Variants in OTUD5 observed in about 807,000 individuals in gnomAD.
OTUD5 encodes the protein OTU deubiquitinase 5, also known as OTU domain-containing protein 5.
OTUD5 carries 2 observed loss-of-function variants against 36.3 expected under a neutral mutation model. That is an observed-to-expected ratio of 0.06 (90% CI 0.02 to 0.17). OTUD5 has a LOEUF of 0.17. Among genes scored for constraint, OTUD5 ranks in the 10% least tolerant of loss-of-function variants. The pLI is 1.00. For missense variants in OTUD5, 233 were observed against 512.3 expected (o/e 0.45, Z 5.26); for synonymous variants, 234 against 214.9 (o/e 1.09, Z -0.78).
chrX:48,957,728 A>T (rs182033453), upstream of OTUD5: 2 of 670,210 alleles, frequency 3.0e-6, no homozygotes, highest in Non-Finnish European at 3.6e-6. Context: ...GCGGCGGAGG[A>T]GGCGGCGGCG....
intron 5 of OTUD5, 46 bp from the exon 6 acceptor site, chrX:48,926,096 C>A (rs782556569): frequency 1.9e-6 from 2 of 1,066,045 alleles, no homozygotes; most frequent in South Asian, 3.7e-5. Context: ...CACACTGAAC[C>A]TGCCCAAGAG....
At chrX:48,932,419 GGT>G (rs2063769872) in intron 5 of OTUD5, among the ~76,000 whole-genome samples, 1 of 110,241 alleles carries the variant, frequency 9.1e-6, no homozygotes. Flanking sequence ...CTGCCTCCTA[GGT>G]TCAAGTGATT....
In OTUD5 at chrX:48,923,155, T is replaced by G; in HGVS notation, c.*19A>C. 8.3e-7 allele frequency: 1 copy of G among 1,209,974 alleles called. No individual in the cohort carries two copies. The highest frequency in any genetic ancestry group is 1.1e-6 in the Non-Finnish European group (1 of 894,318). ...GGAGTACTGGGGTTGGGAGATGGTGTCCAATCCCTGGGTCTCCATCAACTC... is the reference window on the plus strand; with the variant it reads ...GGAGTACTGGGGTTGGGAGATGGTGGCCAATCCCTGGGTCTCCATCAACTC... On this transcript the variant is annotated 3_prime_UTR_variant, in exon 9 of 9. Coordinates refer to ENST00000376488, the MANE Select transcript of OTUD5 (RefSeq NM_001136157.2).
At position 48,923,028 on chromosome X, in the gene OTUD5, A is replaced by G; in HGVS notation, c.*146T>C. ...ATGAGAGAGAGTGCAGGGGTGGGCT[A>G]GCCAGAGGGAAGTGAGGAGGAGGGA... is the stretch of plus-strand genomic sequence containing the variant. On this transcript the variant is annotated 3_prime_UTR_variant, in exon 9 of 9. Transcript: ENST00000376488. 3 of 1,137,932 alleles carry G rather than the reference A, an allele frequency of 2.6e-6. No individual in the cohort carries two copies. The highest frequency in any genetic ancestry group is 3.5e-6 in the Non-Finnish European group (3 of 859,481). The allele number at this position is 1,137,932 out of a possible 1,213,427, so 93.8% of individuals were successfully genotyped here. A position where few individuals can be genotyped will look rare whatever the true frequency, so the allele number is the denominator to read the frequency against.
intron 2 of OTUD5, among the ~76,000 whole-genome samples, chrX:48,935,938 C>CAA (rs3030315): frequency 2.4e-4 from 9 of 37,082 alleles, no homozygotes; most frequent in African/African-American, 7.8e-4. Context: ...GACTCTGTCT[C>CAA]AAAAAAAAAA....
Position 48,953,379 on chromosome X carries a change from C to T in OTUD5, c.594+3598G>A, listed in dbSNP as rs1557054329. Among the ~76,000 whole-genome samples, 3 of 111,544 alleles carry T rather than the reference C, an allele frequency of 2.7e-5. No individual in the cohort carries two copies. The East Asian group carries it at 8.4e-4, about 31-fold the overall frequency. ...GGAGCCAGGAAGAGAGGGGAGAAAC[C>T]CAGTTCCTCCTCAAAAGACATCCAC... On this transcript the variant is annotated intron_variant, in intron 1 of 8. Coordinates refer to ENST00000376488, the MANE Select transcript of OTUD5 (RefSeq NM_001136157.2).
chrX:48,954,514 A>G (rs2147687857), intron 1 of OTUD5, among the ~76,000 whole-genome samples: 1 of 111,425 alleles, frequency 9.0e-6, no homozygotes, highest in African/African-American at 3.3e-5. Flanking sequence ...CCAACCAGAG[A>G]GAGAAGAAAT....
intron 1 of OTUD5, among the ~76,000 whole-genome samples, chrX:48,944,809 G>A (rs782619580): frequency 8.9e-6 from 1 of 112,212 alleles, no homozygotes; most frequent in Non-Finnish European, 1.9e-5. Flanking sequence ...GATCACCTGA[G>A]GTCGGGAGTT....
chrX:48,937,997 G>A (rs886136121), intron 2 of OTUD5, among the ~76,000 whole-genome samples: 16 of 111,939 alleles, frequency 1.4e-4, no homozygotes, highest in African/African-American at 5.2e-4. Context: ...TCTACCTCTA[G>A]GCCGTTAGTT....
At chrX:48,953,513 C>T (rs1557054357) in intron 1 of OTUD5, among the ~76,000 whole-genome samples, 1 of 111,445 alleles carries the variant, frequency 9.0e-6, no homozygotes, top group Non-Finnish European at 1.9e-5. Flanking sequence ...GAAACTGAGG[C>T]CCAGAGAGCA....
At chrX:48,931,608 G>A (rs373653339) in intron 5 of OTUD5, among the ~76,000 whole-genome samples, 42 of 107,857 alleles carry the variant, frequency 3.9e-4, no homozygotes, top group East Asian at 3.8e-3. Flanking sequence ...GTGAAACCCC[G>A]TCTCTACTAA....
At chrX:48,943,719 G>C (rs782523967) in intron 2 of OTUD5, among the ~76,000 whole-genome samples, 1 of 111,450 alleles carries the variant, frequency 9.0e-6, no homozygotes, top group African/African-American at 3.3e-5. Context: ...ATAAACCTAG[G>C]GGTCATACAG....
chrX:48,932,162 A>ATAC (rs1320223379), intron 5 of OTUD5, among the ~76,000 whole-genome samples: 2 of 12,567 alleles, frequency 1.6e-4, no homozygotes, highest in African/African-American at 3.6e-4. Context: ...AAAAAAGATG[A>ATAC]TAATAATAAT....
chrX:48,945,847 T>C (rs1184793591), intron 1 of OTUD5, among the ~76,000 whole-genome samples: 2 of 110,900 alleles, frequency 1.8e-5, no homozygotes, highest in Admixed American at 1.9e-4. Flanking sequence ...TATTTTTTAA[T>C]TAAAAAAATA....
chrX:48,922,999 G>A lies in OTUD5; in HGVS notation c.*175C>T, dbSNP rs1391151316. 16 of 1,089,655 alleles carry A rather than the reference G, an allele frequency of 1.5e-5. No homozygotes were observed. The highest frequency in any genetic ancestry group is 3.6e-4 in the Middle Eastern group (1 of 2,762). 89.8% of individuals were successfully genotyped at this position (1,089,655 alleles called of 1,213,427 possible). On this transcript the variant is annotated 3_prime_UTR_variant, in exon 9 of 9. Transcript: ENST00000376488. ...CAGAGAGACAGGTGATAGTGGCAGC[G>A]GCAATGAGAGAGAGTGCAGGGGTGG...
intron 2 of OTUD5, 73 bp from the exon 3 acceptor site, chrX:48,935,091 T>C: frequency 1.0e-6 from 1 of 986,521 alleles, no homozygotes; most frequent in Non-Finnish European, 1.4e-6. Context: ...AGAACATCCT[T>C]TGGGGAGGAG....
intron 1 of OTUD5, among the ~76,000 whole-genome samples, chrX:48,949,756 G>A (rs2064100168): frequency 9.0e-6 from 1 of 111,370 alleles, no homozygotes; most frequent in South Asian, 3.8e-4. Flanking sequence ...AGGAGGCTGA[G>A]GCTGGAGGAT....
chrX:48,929,135 T>A (rs1177212190), intron 5 of OTUD5, among the ~76,000 whole-genome samples: 10 of 109,591 alleles, frequency 9.1e-5, no homozygotes, highest in African/African-American at 3.3e-4. Flanking sequence ...TGCCTGTAAT[T>A]CCAGCACTTT....
upstream of OTUD5, chrX:48,957,934 G>C: frequency 1.9e-6 from 1 of 524,813 alleles, no homozygotes; most frequent in Non-Finnish European, 2.3e-6. Flanking sequence ...CCCCCTCGCA[G>C]GTTCTTGCAC....
Sources: allele counts gnomAD v4.1 joint callset (sites outside exome capture counted in the v4.1 genomes callset), GRCh38; gene constraint gnomAD v4.1.1; transcripts MANE v1.5; gene names NCBI Gene and HGNC (gene_info 2026-07-23, HGNC 2026-07-21).